Variants in SETBP1 observed in about 807,000 individuals in gnomAD.
SETBP1 encodes the protein SET-binding protein.
SETBP1 carries 9 observed loss-of-function variants against 101.0 expected under a neutral mutation model. The observed-to-expected ratio is 0.09, with a 90% confidence interval of 0.05 to 0.16. The LOEUF is 0.16. Among genes scored for constraint, SETBP1 ranks in the 10% least tolerant of loss-of-function variants. SETBP1 has a pLI of 1.00. For missense variants in SETBP1, 1,858 were observed against 2,033.8 expected (o/e 0.91, Z 1.66); for synonymous variants, 818 against 788.5 (o/e 1.04, Z -0.63).
chr18:44,876,705 C>T (rs74895636), intron 3 of SETBP1: 1 of 1,549,138 alleles, frequency 6.5e-7, no homozygotes, highest in Non-Finnish European at 8.7e-7. Context: ...CCGGTTCTCT[C>T]ACTCTTCCTT....
intron 3 of SETBP1, among the ~76,000 whole-genome samples, chr18:44,896,504 T>TTTTTG (rs1477370566): frequency 5.9e-5 from 9 of 152,236 alleles, no homozygotes; most frequent in South Asian, 4.1e-4. Context: ...CATCCAAGTT[T>TTTTTG]TTTTGTTTTG....
intron 2 of SETBP1, among the ~76,000 whole-genome samples, chr18:44,704,342 G>C (rs2144219786): frequency 6.6e-6 from 1 of 152,320 alleles, no homozygotes; most frequent in African/African-American, 2.4e-5. Flanking sequence ...TGCCAAGTAA[G>C]CATTTTTATG....
At chr18:44,905,990 C>T (rs2070165794) in intron 3 of SETBP1, among the ~76,000 whole-genome samples, 1 of 152,194 alleles carries the variant, frequency 6.6e-6, no homozygotes, top group South Asian at 2.1e-4. Context: ...GTCCTCATAG[C>T]CAACGGTCAG....
In SETBP1 at chr18:44,951,581, G is replaced by A. The variant is rs1599367983; in HGVS notation, c.2241G>A (p.Lys747=). 6.2e-7 allele frequency: 1 copy of A among 1,614,156 alleles called. No individual in the cohort carries two copies. Among genetic ancestry groups the A allele is most frequent in the East Asian group, 2.2e-5 (1 of 44,854 alleles). The change falls in exon 4 of 6, where the codon AAG becomes AAA. Residue 747 remains lysine (K), a synonymous_variant. Coordinates refer to ENST00000649279, the MANE Select transcript of SETBP1 (RefSeq NM_015559.3). The surrounding 1 kb of genome is among the most constrained non-coding windows in gnomAD (Gnocchi z 7.8). ...PPSEEPKTAI[K]HPRPVSSQPD... ...CCGAAGAACCCAAAACAGCCATCAA[G>A]CACCCCAGGCCTGTTTCTAGCCAGC...
chr18:44,807,570 G>A (rs912007370), intron 2 of SETBP1, among the ~76,000 whole-genome samples: 1 of 152,130 alleles, frequency 6.6e-6, no homozygotes, highest in Non-Finnish European at 1.5e-5. Context: ...CTCCCAAATG[G>A]AAATGATATA....
chr18:44,871,001 C>T (rs2144689309), intron 3 of SETBP1: 1 of 152,462 alleles, frequency 6.6e-6, no homozygotes, highest in Admixed American at 6.5e-5. Context: ...TTCCAGCCTC[C>T]CCCACAACCA....
chr18:44,702,815 G>A (rs1220955174), intron 2 of SETBP1, among the ~76,000 whole-genome samples: 2 of 152,200 alleles, frequency 1.3e-5, no homozygotes, highest in African/African-American at 4.8e-5. Context: ...AACTGGAACT[G>A]TAGAAAAACA....
At chr18:45,048,399 C>T (rs899156258) in intron 5 of SETBP1, among the ~76,000 whole-genome samples, 1 of 152,218 alleles carries the variant, frequency 6.6e-6, no homozygotes, top group Non-Finnish European at 1.5e-5. Flanking sequence ...CTAAAGTTAT[C>T]TCATGTCAGG....
rs144143125 is a variant in SETBP1, at chr18:44,865,288, C to T, written c.487-3942C>T. 2.0e-4 allele frequency among the ~76,000 whole-genome samples: 30 copies of T among 152,180 alleles called. No homozygotes were observed. The East Asian group carries it at 4.6e-3, about 24-fold the overall frequency. ...CCAAACATTGGTTTTCAACTGAAGT[C>T]GCATACAAGAACCAGGGAAAAGCAG... On this transcript the variant is annotated intron_variant, in intron 2 of 5. Transcript: ENST00000649279.
intron 3 of SETBP1, among the ~76,000 whole-genome samples, chr18:44,878,604 G>C (rs930674862): frequency 6.6e-6 from 1 of 152,150 alleles, no homozygotes; most frequent in Non-Finnish European, 1.5e-5. Context: ...TTTAGAGCTT[G>C]AGAGGTTTCT....
At position 44,953,084 on chromosome 18, in the gene SETBP1, A is replaced by G. The variant is rs759101527; in HGVS notation, c.3744A>G (p.Lys1248=). 1.5e-5 allele frequency: 25 copies of G among 1,614,076 alleles called. No homozygotes were observed. Among genetic ancestry groups the G allele is most frequent in the Non-Finnish European group, 1.9e-5 (22 of 1,180,044 alleles). ...DAQHWTQAKE[K]GDLSSEPVDS... ...AGCATTGGACACAGGCCAAGGAAAA[A>G]GGAGACTTGAGCAGTGAGCCTGTGG... Residue 1248 remains lysine (K), a synonymous_variant, in exon 4 of 6, where the codon AAA becomes AAG. Coordinates refer to ENST00000649279, the MANE Select transcript of SETBP1 (RefSeq NM_015559.3).
chr18:45,021,774 T>C (rs2073074868), intron 4 of SETBP1, among the ~76,000 whole-genome samples: 1 of 152,228 alleles, frequency 6.6e-6, no homozygotes, highest in Admixed American at 6.5e-5. Context: ...AAACATGAGC[T>C]GTCCTAATGA....
At chr18:44,856,259 A>C (rs1431217730) in intron 2 of SETBP1, among the ~76,000 whole-genome samples, 1 of 152,182 alleles carries the variant, frequency 6.6e-6, no homozygotes, top group Non-Finnish European at 1.5e-5. Flanking sequence ...CACTTCCCCA[A>C]AGTGCTCAAG....
chr18:44,763,695 A>C (rs937459966), intron 2 of SETBP1, among the ~76,000 whole-genome samples: 20 of 152,216 alleles, frequency 1.3e-4, no homozygotes, highest in African/African-American at 4.6e-4. Context: ...AGATATCCCT[A>C]CGCTTCTGAT....
At chr18:44,930,909 T>C (rs2144989696) in intron 3 of SETBP1, among the ~76,000 whole-genome samples, 1 of 152,302 alleles carries the variant, frequency 6.6e-6, no homozygotes, top group African/African-American at 2.4e-5. Context: ...CATTGATTTT[T>C]TTGAAGAGTT....
chr18:44,886,213 T>A (rs772065101), intron 3 of SETBP1, among the ~76,000 whole-genome samples: 8 of 152,178 alleles, frequency 5.3e-5, no homozygotes, highest in Non-Finnish European at 4.4e-5. Flanking sequence ...TTTCTTCATG[T>A]AGCACATGGG....
intron 3 of SETBP1, among the ~76,000 whole-genome samples, chr18:44,904,968 T>A (rs985026025): frequency 1.6e-4 from 24 of 152,140 alleles, no homozygotes; most frequent in Non-Finnish European, 4.4e-5. Context: ...TGTAATCTAG[T>A]GGTATACTCC....
At chr18:44,986,368 G>C (rs1009694776) in intron 4 of SETBP1, 31 of 152,186 alleles carry the variant, frequency 2.0e-4, no homozygotes, top group African/African-American at 7.0e-4. Context: ...CAGTGAGTGA[G>C]TGGTGAGTGA....
intron 5 of SETBP1, among the ~76,000 whole-genome samples, chr18:45,049,829 G>C (rs1404779757): frequency 6.6e-6 from 1 of 152,142 alleles, no homozygotes; most frequent in African/African-American, 2.4e-5. Flanking sequence ...GTTGGAAAAG[G>C]CCTTCGAGAT....
Sources: gnomAD v4.1 joint callset for allele counts (sites outside exome capture counted in the v4.1 genomes callset) on GRCh38, gnomAD v4.1.1 for gene constraint, Gnocchi (gnomAD v3.1) non-coding constraint, MANE v1.5 for transcripts, NCBI Gene and HGNC (gene_info 2026-07-23, HGNC 2026-07-21) for gene names.